The following BAG4 variants were observed in gnomAD, a reference collection of about 807,000 sequenced individuals.
BAG4 encodes BAG family molecular chaperone regulator 4.
In BAG4, 28 loss-of-function variants were observed where a neutral mutation model predicts 52.1. The ratio of observed to expected loss-of-function variants is 0.54; its 90% confidence interval spans 0.40 to 0.74. The LOEUF (loss-of-function observed/expected upper bound fraction) is 0.74. Ranked by LOEUF, BAG4 falls within the 30% of genes least tolerant of loss-of-function variation. The pLI is 0.00. For missense variants in BAG4, 525 were observed against 572.0 expected (o/e 0.92, Z 0.84); for synonymous variants, 208 against 217.0 (o/e 0.96, Z 0.37).
In BAG4 at chr8:38,177,028, C is replaced by A. The variant is rs1322978726; in HGVS notation, c.159C>A (p.Arg53=). ...PPQPPISWRV[R]GGGPAETTWL... ...AGCCTCCCATTTCCTGGCGGGTGCG[C>A]GGGGGCGGCCCGGCGGAGACCACCT... The change falls in exon 1 of 5, where the codon CGC becomes CGA. Residue 53 remains arginine, a synonymous_variant. Coordinates refer to ENST00000287322, the MANE Select transcript of BAG4 (RefSeq NM_004874.4). 2 of 1,603,844 alleles carry A rather than the reference C, an allele frequency of 1.2e-6. No homozygotes were observed. Among genetic ancestry groups the A allele is most frequent in the African/African-American group, 2.7e-5 (2 of 74,900 alleles).
intron 4 of BAG4, 53 bp from the exon 5 acceptor site, chr8:38,209,955 G>A: frequency 6.4e-7 from 1 of 1,570,438 alleles, no homozygotes; most frequent in East Asian, 2.2e-5. Flanking sequence ...ATTTGATGTT[G>A]ATGCATTCCC....
intron 1 of BAG4, among the ~76,000 whole-genome samples, chr8:38,187,195 G>T (rs1486351615): frequency 6.6e-6 from 1 of 152,120 alleles, no homozygotes; most frequent in African/African-American, 2.4e-5. Flanking sequence ...TATGATTAAA[G>T]AAGCAAAGAA....
At chr8:38,195,850 CTGT>C (rs1029710862) in intron 2 of BAG4, among the ~76,000 whole-genome samples, 1 of 152,174 alleles carries the variant, frequency 6.6e-6, no homozygotes, top group Non-Finnish European at 1.5e-5. Context: ...CCCATTATCA[CTGT>C]CTAATTCTGG....
intron 1 of BAG4, among the ~76,000 whole-genome samples, chr8:38,187,859 A>G (rs1266020520): frequency 4.8e-5 from 7 of 145,644 alleles, no homozygotes; most frequent in South Asian, 4.4e-4. Flanking sequence ...TGTCTGTACT[A>G]AAAATACAAA....
chr8:38,205,783 T>A (rs1474293883), intron 2 of BAG4, among the ~76,000 whole-genome samples: 2 of 152,184 alleles, frequency 1.3e-5, no homozygotes, highest in Non-Finnish European at 2.9e-5. Flanking sequence ...GATTATATAG[T>A]CTTCGAGATA....
Position 38,203,584 on chromosome 8 carries a change from A to G in BAG4, c.379-3928A>G, listed in dbSNP as rs1363690136. Among the ~76,000 whole-genome samples, 8 of 152,090 alleles carry G rather than the reference A, an allele frequency of 5.3e-5. No individual in the cohort carries two copies. The East Asian group carries it at 1.5e-3, about 29-fold the overall frequency. ...AGGTGTGAGCCACCGTGCCTGGTTG[A>G]GGAATTTTTTGTGATAAGTCCTGTT... On this transcript the variant is annotated intron_variant, in intron 2 of 4. Coordinates refer to ENST00000287322, the MANE Select transcript of BAG4 (RefSeq NM_004874.4).
At chr8:38,201,854 ATATATATATATATATATATATATATAT>A (rs1803670677) in intron 2 of BAG4, 1 of 7,902 alleles carries the variant, frequency 1.3e-4, no homozygotes, top group Non-Finnish European at 2.9e-4. Flanking sequence ...ATATATATAT[ATATATATATATATATATATATATATAT>A]TTTTTTTTTT....
chr8:38,203,767 C>G (rs1239936936), intron 2 of BAG4, among the ~76,000 whole-genome samples: 1 of 148,110 alleles, frequency 6.8e-6, no homozygotes, highest in Non-Finnish European at 1.5e-5. Context: ...CCTGGGAGAT[C>G]TAGGCTGCAG....
intron 2 of BAG4, chr8:38,201,872 ATATATATATTTTTTTTTTTTTT>A (rs1563284140): frequency 1.9e-4 from 1 of 5,286 alleles, no homozygotes; most frequent in African/African-American, 6.3e-4. Flanking sequence ...ATATATATAT[ATATATATATTTTTTTTTTTTTT>A]TTTTTTTTTT....
chr8:38,201,866 ATATATATATATATAT>A (rs1803675857), intron 2 of BAG4: 1 of 7,994 alleles, frequency 1.3e-4, no homozygotes, highest in Non-Finnish European at 2.6e-4. Flanking sequence ...ATATATATAT[ATATATATATATATAT>A]TTTTTTTTTT....
At chr8:38,196,913 C>G (rs891391708) in intron 2 of BAG4, among the ~76,000 whole-genome samples, 16 of 151,430 alleles carry the variant, frequency 1.1e-4, no homozygotes, top group Admixed American at 1.1e-3. Flanking sequence ...CCCTTCACTA[C>G]TAAAAATACA....
chr8:38,203,285 TTTTTTTTTC>T (rs1271396250), intron 2 of BAG4, among the ~76,000 whole-genome samples: 1 of 126,786 alleles, frequency 7.9e-6, no homozygotes, highest in African/African-American at 3.0e-5. Flanking sequence ...TGAGGAATTT[TTTTTTTTTC>T]TTTTTTTGGA....
At chr8:38,186,344 A>G (rs372790435) in intron 1 of BAG4, among the ~76,000 whole-genome samples, 44 of 152,192 alleles carry the variant, frequency 2.9e-4, no homozygotes, top group African/African-American at 9.9e-4. Context: ...TAAACACACC[A>G]TTGTCCCCAC....
intron 2 of BAG4, 88 bp from the exon 3 acceptor site, chr8:38,207,424 T>C (rs1803788891): frequency 1.4e-6 from 2 of 1,426,432 alleles, no homozygotes; most frequent in East Asian, 2.3e-5. Flanking sequence ...TAACATCTTC[T>C]CAAAGTTTTC....
rs1390940741 is a variant in BAG4, at chr8:38,211,233, T to G, written c.*740T>G. The G allele has an allele frequency of 6.7e-6, 1 of 148,244 alleles. No homozygotes were observed. The highest frequency in any genetic ancestry group is 1.5e-5 in the Non-Finnish European group (1 of 67,040). 9.2% of individuals were successfully genotyped at this position (148,244 alleles called of 1,614,324 possible). ...TTTTTTTTTTTTTTTTTACCACTTC[T>G]GCTGTTCATGGTAGTAGTGGAAGGT... is the stretch of plus-strand genomic sequence containing the variant. On this transcript the variant is annotated 3_prime_UTR_variant, in exon 5 of 5. Coordinates refer to ENST00000287322, the MANE Select transcript of BAG4 (RefSeq NM_004874.4).
At chr8:38,196,285 A>G (rs1803558662) in intron 2 of BAG4, among the ~76,000 whole-genome samples, 1 of 152,190 alleles carries the variant, frequency 6.6e-6, no homozygotes, top group African/African-American at 2.4e-5. Flanking sequence ...GGATTGCACC[A>G]TTTTATAGTC....
chr8:38,200,258 C>T (rs181023116), intron 2 of BAG4, among the ~76,000 whole-genome samples: 7 of 152,146 alleles, frequency 4.6e-5, no homozygotes, highest in Admixed American at 1.3e-4. Context: ...CCACCTGCCT[C>T]GGCCTCCCAA....
rs748527070 is a variant in BAG4, at chr8:38,176,945, G to A, written c.76G>A (p.Gly26Arg). The A allele has an allele frequency of 7.1e-6, 11 of 1,557,034 alleles. No homozygotes were observed. The highest frequency in any genetic ancestry group is 9.6e-6 in the Non-Finnish European group (11 of 1,150,828). The change falls in exon 1 of 5, where the codon GGA (glycine) becomes AGA (arginine). Residue 26 changes from glycine (G) to arginine (R), a missense_variant. This residue lies in a region of BAG4 where 287 missense variants were observed against 266.1 expected (regional missense o/e 1.08). Coordinates refer to ENST00000287322, the MANE Select transcript of BAG4 (RefSeq NM_004874.4). ...CGGCCGCTACTACGGGCCTGGGGGTGGAGATGTGCCGGTACACCCACCTCC... is the reference window on the plus strand; with the variant it reads ...CGGCCGCTACTACGGGCCTGGGGGTAGAGATGTGCCGGTACACCCACCTCC... The part of the protein sequence containing the change: ...SYGRYYGPGG[G>R]DVPVHPPPPL...
intron 1 of BAG4, 29 bp from the exon 2 acceptor site, chr8:38,192,659 G>A (rs748074382): frequency 1.3e-6 from 2 of 1,510,370 alleles, no homozygotes; most frequent in Non-Finnish European, 1.8e-6. Context: ...ATGTTATTAA[G>A]AGTGAATTTA....
Sources: gnomAD v4.1 joint callset for allele counts (sites outside exome capture counted in the v4.1 genomes callset) on GRCh38, gnomAD v4.1.1 for gene constraint, gnomAD v4.1.1 regional missense constraint, MANE v1.5 for transcripts, NCBI Gene and HGNC (gene_info 2026-07-23, HGNC 2026-07-21) for gene names.